SCPEP1: variants seen among roughly 807,000 people sequenced by gnomAD.
SCPEP1 encodes retinoid-inducible serine carboxypeptidase.
SCPEP1 carries 51 observed loss-of-function variants against 63.8 expected under a neutral mutation model. The observed-to-expected ratio is 0.80, with a 90% CI of 0.64 to 1.01. The LOEUF (loss-of-function observed/expected upper bound fraction) is 1.01. Among genes scored for constraint, SCPEP1 ranks in the 50% least tolerant of loss-of-function variants. SCPEP1 has a pLI of 0.00. For synonymous variants in SCPEP1, 204 were observed against 207.8 expected (o/e 0.98, Z 0.16); for missense variants, 499 against 554.9 (o/e 0.90, Z 1.01).
At chr17:57,005,128 A>G (rs1911845192) in intron 12 of SCPEP1, among the ~76,000 whole-genome samples, 2 of 152,238 alleles carry the variant, frequency 1.3e-5, no homozygotes, top group Non-Finnish European at 1.5e-5. Context: ...GTGCGCCTGC[A>G]TTTTGAATGC....
In SCPEP1 at chr17:56,998,405, G is replaced by A. The variant is rs146067002; in HGVS notation, c.901G>A (p.Val301Met). ...SHLVCLCQRHVRHLQRDALSQ... is the reference protein window; with the variant it reads ...SHLVCLCQRHMRHLQRDALSQ... ...TTTAGTTTGTCTTTGTCAGCGCCAC[G>A]TGAGACACCTACAACGAGATGCCTT... The change falls in exon 10 of 13, where the codon GTG becomes ATG. Residue 301 changes from valine (V) to methionine (M), a missense_variant. Transcript: ENST00000262288. The A allele has an allele frequency of 1.9e-5, 30 of 1,613,578 alleles. No individual in the cohort carries two copies. Among genetic ancestry groups the A allele is most frequent in the South Asian group, 1.3e-4 (12 of 91,064 alleles).
At position 56,998,515 on chromosome 17, in the gene SCPEP1, A is replaced by G. The variant is rs759292121; in HGVS notation, c.994+17A>G. 2 of 1,550,948 alleles carry G rather than the reference A, an allele frequency of 1.3e-6. No homozygotes were observed. The highest frequency in any genetic ancestry group is 1.8e-6 in the Non-Finnish European group (2 of 1,122,468). ...CCTGGGGAGGTACTTATATGACCTA[A>G]TTAAGTGCCGTTTGTACAGTTATGG... is the stretch of plus-strand genomic sequence containing the variant. On this transcript the variant is annotated intron_variant, in intron 10 of 12. Coordinates refer to ENST00000262288, the MANE Select transcript of SCPEP1 (RefSeq NM_021626.3).
Position 56,985,423 on chromosome 17 carries a change from A to G in SCPEP1, c.271A>G (p.Ile91Val), listed in dbSNP as rs764552208. 2.5e-6 allele frequency: 4 copies of G among 1,614,074 alleles called. No individual in the cohort carries two copies. The highest frequency in any genetic ancestry group is 3.4e-6 in the Non-Finnish European group (4 of 1,180,046). Residue 91 changes from isoleucine to valine, a missense_variant, in exon 3 of 13, where the codon ATT becomes GTT. By Grantham distance (29) the Ile-to-Val change is conservative. Transcript: ENST00000262288. ...SSTGFGNFEE[I>V]GPLDSDLKPR... ...CACTGGATTTGGAAACTTTGAGGAA[A>G]TTGGGCCCCTTGACAGTGATCTCAA...
Position 56,996,901 on chromosome 17 carries a change from G to T in SCPEP1, c.787-61G>T, listed in dbSNP as rs1244229623. ...AAGATAAAGAGCCATGTGTCCTTCT[G>T]TTTGGCAGCTTTGATGATAGGAAAA... is the stretch of plus-strand genomic sequence containing the variant. On this transcript the variant is annotated intron_variant, in intron 8 of 12. Coordinates refer to ENST00000262288, the MANE Select transcript of SCPEP1 (RefSeq NM_021626.3). 5.3e-6 allele frequency: 6 copies of T among 1,127,606 alleles called. No individual in the cohort carries two copies. Among genetic ancestry groups the T allele is most frequent in the Admixed American group, 2.1e-5 (1 of 48,582 alleles). The allele number at this position is 1,127,606 out of a possible 1,614,324, so 69.9% of individuals were successfully genotyped here. A position where few individuals can be genotyped will look rare whatever the true frequency, so the allele number is the denominator to read the frequency against.
chr17:56,995,003 T>G lies in SCPEP1; in HGVS notation c.642T>G (p.Pro214=), dbSNP rs1171453990. 2.5e-6 allele frequency: 4 copies of G among 1,613,330 alleles called. No individual in the cohort carries two copies. Among genetic ancestry groups the G allele is most frequent in the African/African-American group, 1.3e-5 (1 of 74,904 alleles). ...TAGATTCGGTGCTCTCCTGGGGACC[T>G]TACCTGTACAGCATGGTAAGTAGAT... ...SPVDSVLSWG[P]YLYSMSLLED... is the part of the protein sequence containing the mutation. Residue 214 remains proline, a synonymous_variant, in exon 7 of 13, where the codon CCT becomes CCG. Coordinates refer to ENST00000262288, the MANE Select transcript of SCPEP1 (RefSeq NM_021626.3).
At chr17:56,995,415 C>G in intron 7 of SCPEP1, 92 bp from the exon 8 acceptor site, 2 of 1,359,788 alleles carry the variant, frequency 1.5e-6, no homozygotes, top group South Asian at 1.4e-5. Flanking sequence ...CTCCTTCCTT[C>G]CCCTCTTTCT....
chr17:57,004,003 A>C (rs1244389592), intron 12 of SCPEP1, among the ~76,000 whole-genome samples: 1 of 152,180 alleles, frequency 6.6e-6, no homozygotes, highest in Non-Finnish European at 1.5e-5. Context: ...GTATGAGACC[A>C]GCTTGGCTAA....
At chr17:57,006,045 C>T in intron 12 of SCPEP1, 128 bp from the exon 13 acceptor site, 1 of 631,424 alleles carries the variant, frequency 1.6e-6, no homozygotes, top group South Asian at 2.2e-5. Context: ...GGGATGTGCC[C>T]AGGTGTCTGC....
rs879143146 is a variant in SCPEP1 at position 57,006,332 on chromosome 17, A to T, written c.*97A>T. 3.6e-6 allele frequency: 3 copies of T among 823,042 alleles called. No individual in the cohort carries two copies. The highest frequency in any genetic ancestry group is 5.5e-6 in the Non-Finnish European group (3 of 540,800). 51.0% of individuals were successfully genotyped at this position (823,042 alleles called of 1,614,324 possible). A position where few individuals can be genotyped will look rare whatever the true frequency, so the allele number is the denominator to read the frequency against. On this transcript the variant is annotated 3_prime_UTR_variant, in exon 13 of 13. Coordinates refer to ENST00000262288, the MANE Select transcript of SCPEP1 (RefSeq NM_021626.3). Reference sequence around the variant, plus strand: ...GGAAGCGCCATTCTTCCCTGTATCTAACTGGGGCTGTGATCAAGAAGGTTC... The same window carrying T: ...GGAAGCGCCATTCTTCCCTGTATCTTACTGGGGCTGTGATCAAGAAGGTTC...
intron 8 of SCPEP1, 146 bp from the exon 9 acceptor site, chr17:56,996,816 G>C (rs1462364094): frequency 1.9e-6 from 1 of 520,800 alleles, no homozygotes; most frequent in Middle Eastern, 5.3e-4. Flanking sequence ...ACCAGGCCCA[G>C]CCAAAGCTCT....
intron 5 of SCPEP1, among the ~76,000 whole-genome samples, chr17:56,989,165 G>A (rs1204530136): frequency 6.6e-6 from 1 of 152,170 alleles, no homozygotes; most frequent in Non-Finnish European, 1.5e-5. Context: ...ACTCCAGCCT[G>A]GGTGACAGAA....
intron 6 of SCPEP1, among the ~76,000 whole-genome samples, chr17:56,994,522 A>T (rs75203038): frequency 0.016 from 2,508 of 152,354 alleles, 77 homozygotes; most frequent in African/African-American, 0.057. Flanking sequence ...CAAACTCATT[A>T]GTCATCTTCC....
Position 56,985,103 on chromosome 17 carries a change from T to TGAAAAGAAAA in SCPEP1, c.226-259_226-250dup, listed in dbSNP as rs3056052. On this transcript the variant is annotated intron_variant, in intron 2 of 12. Transcript: ENST00000262288. ...CTGGGTGACAAAGTTAGACTCTGTC[T>TGAAAAGAAAA]GAAAAGAAAAGAAAAGAAAAGAAAA... 8.8e-3 allele frequency: 3,384 copies of TGAAAAGAAAA among 382,672 alleles called. 25 individuals are homozygous for TGAAAAGAAAA. Among genetic ancestry groups the TGAAAAGAAAA allele is most frequent in the Non-Finnish European group, 0.011 (2,352 of 210,776 alleles). 23.7% of individuals were successfully genotyped at this position (382,672 alleles called of 1,614,324 possible).
At chr17:57,005,188 G>T (rs1911847020) in intron 12 of SCPEP1, among the ~76,000 whole-genome samples, 1 of 152,200 alleles carries the variant, frequency 6.6e-6, no homozygotes, top group Non-Finnish European at 1.5e-5. Context: ...CCTCATGGTG[G>T]CACTCAAAAA....
chr17:56,987,524 T>G, intron 3 of SCPEP1, 171 bp from the exon 4 acceptor site: 1 of 559,414 alleles, frequency 1.8e-6, no homozygotes, highest in Non-Finnish European at 2.8e-6. Context: ...TTGTTTTTTT[T>G]TCTATGTTCC....
At chr17:57,001,294 G>A (rs374447777) in intron 11 of SCPEP1, among the ~76,000 whole-genome samples, 1 of 152,106 alleles carries the variant, frequency 6.6e-6, no homozygotes, top group East Asian at 1.9e-4. Flanking sequence ...GGGCAAATGC[G>A]CTGTTTAATT....
chr17:56,978,376 C>T (rs886513404), intron 1 of SCPEP1, 141 bp downstream of exon 1: 3 of 986,352 alleles, frequency 3.0e-6, no homozygotes, highest in Admixed American at 4.6e-5. Context: ...TTTTGAATCT[C>T]ACTCTTTTTT....
intron 1 of SCPEP1, among the ~76,000 whole-genome samples, chr17:56,980,067 A>G (rs1042192288): frequency 2.0e-5 from 3 of 151,982 alleles, no homozygotes; most frequent in Admixed American, 6.6e-5. Flanking sequence ...TCTCAGCCCC[A>G]CTAATTTGTG....
intron 5 of SCPEP1, 61 bp downstream of exon 5, chr17:56,988,351 T>C: frequency 2.4e-6 from 3 of 1,235,856 alleles, no homozygotes; most frequent in Non-Finnish European, 3.5e-6. Context: ...GTTACTTTTA[T>C]GTACTCACGT....
Sources: allele counts gnomAD v4.1 joint callset (sites outside exome capture counted in the v4.1 genomes callset), GRCh38; gene constraint gnomAD v4.1.1; transcripts MANE v1.5; gene names NCBI Gene and HGNC (gene_info 2026-07-23, HGNC 2026-07-21).